METTL15: variants seen among roughly 807,000 people sequenced by gnomAD.
The protein encoded by METTL15 is methyltransferase 15, mitochondrial 12S rRNA N4-cytidine.
METTL15 carries 34 observed loss-of-function variants against 38.3 expected under a neutral mutation model. That is an observed-to-expected ratio of 0.89 (90% CI 0.68 to 1.18). METTL15 has a LOEUF of 1.18. METTL15 is among the 50% of genes most tolerant of loss of function. The pLI, the probability that METTL15 is intolerant of heterozygous loss-of-function variation, is 0.00. For missense variants in METTL15, 438 were observed against 498.4 expected (o/e 0.88, Z 1.15); for synonymous variants, 162 against 170.9 (o/e 0.95, Z 0.41).
At chr11:28,282,505 A>G (rs187829649) in intron 4 of METTL15, among the ~76,000 whole-genome samples, 8 of 152,312 alleles carry the variant, frequency 5.3e-5, no homozygotes, top group African/African-American at 1.9e-4. Context: ...TCTTTTCTGT[A>G]TGCATTCCTT....
intron 6 of METTL15, among the ~76,000 whole-genome samples, chr11:28,484,257 T>C (rs1483144027): frequency 6.6e-6 from 1 of 152,178 alleles, no homozygotes; most frequent in Non-Finnish European, 1.5e-5. Flanking sequence ...TACAAAGAAA[T>C]CAAGGCACAG....
intron 5 of METTL15, among the ~76,000 whole-genome samples, chr11:28,374,525 G>C (rs1193272602): frequency 7.7e-6 from 1 of 130,306 alleles, no homozygotes; most frequent in Non-Finnish European, 1.7e-5. Context: ...TGTATCCTGA[G>C]ACTTTGCTGA....
intron 3 of METTL15, among the ~76,000 whole-genome samples, chr11:28,176,431 C>T (rs1027579857): frequency 2.2e-4 from 34 of 152,162 alleles, no homozygotes; most frequent in African/African-American, 7.7e-4. Context: ...CCTTGCCTTA[C>T]GATTTTTACT....
chr11:28,525,065 G>A (rs979691410), intron 6 of METTL15, among the ~76,000 whole-genome samples: 3 of 152,146 alleles, frequency 2.0e-5, no homozygotes, highest in Admixed American at 6.5e-5. Context: ...TGGGTTCGTG[G>A]TCTCGCTGGC....
At chr11:28,247,963 A>C (rs908133037) in intron 4 of METTL15, among the ~76,000 whole-genome samples, 2 of 152,072 alleles carry the variant, frequency 1.3e-5, no homozygotes, top group African/African-American at 4.8e-5. Context: ...AAAGTTTTTA[A>C]GTTGTCAAAA....
At chr11:28,285,790 C>T (rs1279948486) in intron 4 of METTL15, among the ~76,000 whole-genome samples, 1 of 152,064 alleles carries the variant, frequency 6.6e-6, no homozygotes, top group Admixed American at 6.6e-5. Context: ...TCATATCAAG[C>T]AAGTGTTAGA....
At chr11:28,143,827 T>C (rs1239576825) in intron 3 of METTL15, among the ~76,000 whole-genome samples, 1 of 152,220 alleles carries the variant, frequency 6.6e-6, no homozygotes, top group East Asian at 1.9e-4. Flanking sequence ...CATCATTTAA[T>C]GACTCGGTTT....
chr11:28,244,058 A>T (rs1046570467), intron 4 of METTL15, among the ~76,000 whole-genome samples: 2 of 152,168 alleles, frequency 1.3e-5, no homozygotes, highest in African/African-American at 2.4e-5. Context: ...GTTCAAAAAT[A>T]GGCAACCTAA....
chr11:28,456,250 T>A (rs951539366), intron 6 of METTL15, among the ~76,000 whole-genome samples: 1 of 152,014 alleles, frequency 6.6e-6, no homozygotes, highest in Non-Finnish European at 1.5e-5. Context: ...TTTCAAGTGA[T>A]CCTTCTGTCT....
chr11:28,371,893 G>C (rs1364524646), intron 5 of METTL15, among the ~76,000 whole-genome samples: 1 of 152,032 alleles, frequency 6.6e-6, no homozygotes, highest in East Asian at 1.9e-4. Context: ...TTTTGTTAGA[G>C]ACTTTAGGTT....
intron 4 of METTL15, among the ~76,000 whole-genome samples, chr11:28,280,756 TTC>T (rs1487896052): frequency 9.9e-5 from 15 of 151,814 alleles, no homozygotes; most frequent in Admixed American, 2.6e-4. Context: ...ATGTCCCTAA[TTC>T]TCTCTTTGGC....
intron 4 of METTL15, among the ~76,000 whole-genome samples, chr11:28,257,797 T>C (rs1291123250): frequency 6.6e-6 from 1 of 152,216 alleles, no homozygotes; most frequent in Non-Finnish European, 1.5e-5. Flanking sequence ...CTGTGTGTTA[T>C]CTTGAATTTC....
intron 6 of METTL15, among the ~76,000 whole-genome samples, chr11:28,436,491 A>G (rs918513782): frequency 6.6e-6 from 1 of 151,990 alleles, no homozygotes; most frequent in Admixed American, 6.5e-5. Flanking sequence ...CAGATCCACT[A>G]GCACCTGGCT....
intron 3 of METTL15, among the ~76,000 whole-genome samples, chr11:28,120,428 G>A (rs1301772965): frequency 1.3e-5 from 2 of 151,680 alleles, no homozygotes; most frequent in Non-Finnish European, 1.5e-5. Flanking sequence ...CACATTAAGT[G>A]GCCTTTGTAT....
At position 28,386,288 on chromosome 11, in the gene METTL15, A is replaced by G. The variant is rs185026173; in HGVS notation, c.*358+24252A>G. Among the ~76,000 whole-genome samples the G allele has an allele frequency of 2.2e-4, 34 of 152,074 alleles. No homozygotes were observed. The East Asian group carries it at 5.8e-3, about 26-fold the overall frequency. ...ATTACTTTAAATGTAAATAAATTAA[A>G]TGCCCCAGGCTGAATGGATAAAAAC... On this transcript the variant is annotated intron_variant and NMD_transcript_variant, in intron 5 of 7. Coordinates refer to the METTL15 transcript ENST00000532947.
At chr11:28,344,207 C>T (rs1451283246) in intron 3 of METTL15, among the ~76,000 whole-genome samples, 1 of 152,120 alleles carries the variant, frequency 6.6e-6, no homozygotes, top group Admixed American at 6.6e-5. Context: ...GACCAAGCAC[C>T]ATTTAGTTCT....
At chr11:28,374,103 G>A (rs1424578414) in intron 5 of METTL15, among the ~76,000 whole-genome samples, 3 of 152,168 alleles carry the variant, frequency 2.0e-5, no homozygotes, top group Non-Finnish European at 4.4e-5. Context: ...GTAGTGTGAT[G>A]TCTCCAGCTT....
intron 3 of METTL15, among the ~76,000 whole-genome samples, chr11:28,120,037 T>C (rs946247023): frequency 1.3e-5 from 2 of 152,228 alleles, no homozygotes; most frequent in Middle Eastern, 3.4e-3. Context: ...CTGCAAGCTC[T>C]GCCTCTTGAG....
At chr11:28,316,028 A>T (rs1857469307) in intron 6 of METTL15, among the ~76,000 whole-genome samples, 1 of 151,954 alleles carries the variant, frequency 6.6e-6, no homozygotes, top group Non-Finnish European at 1.5e-5. Context: ...GAAATGTGGG[A>T]CCCCCACACA....
Sources: allele counts gnomAD v4.1 joint callset (sites outside exome capture counted in the v4.1 genomes callset), GRCh38; gene constraint gnomAD v4.1.1; transcripts MANE v1.5; gene names NCBI Gene and HGNC (gene_info 2026-07-23, HGNC 2026-07-21).